The following TCF21 variants were observed in gnomAD, a reference collection of about 807,000 sequenced individuals.
TCF21 encodes the protein capsulin.
In TCF21, 3 loss-of-function variants were observed where a neutral mutation model predicts 13.5. The observed-to-expected ratio is 0.22, with a 90% CI of 0.10 to 0.57. The LOEUF (loss-of-function observed/expected upper bound fraction) is 0.57. Among genes scored for constraint, TCF21 ranks in the 20% least tolerant of loss-of-function variants. The pLI, the probability that TCF21 is intolerant of heterozygous loss-of-function variation, is 0.92. For missense variants in TCF21, 181 were observed against 238.4 expected (o/e 0.76, Z 1.59); for synonymous variants, 92 against 101.7 (o/e 0.90, Z 0.57).
At position 133,889,981 on chromosome 6, in the gene TCF21, C is replaced by G; in HGVS notation, c.450+134C>G. ...CTTACACATCTCGACCACCGCGGGC[C>G]TAGAGCCTCCAGGGACCGGAGGCGG... On this transcript the variant is annotated intron_variant, in intron 1 of 1. Coordinates refer to ENST00000367882, the MANE Select transcript of TCF21 (RefSeq NM_003206.4). This position sits in a 1 kb window ranked among gnomAD's most constrained non-coding sequence, Gnocchi z 5.1. The G allele has an allele frequency of 6.0e-6, 6 of 991,864 alleles. No individual in the cohort carries two copies. Among genetic ancestry groups the G allele is most frequent in the Non-Finnish European group, 9.3e-6 (6 of 647,886 alleles). 61.4% of individuals were successfully genotyped at this position (991,864 alleles called of 1,614,324 possible). A position where few individuals can be genotyped will look rare whatever the true frequency, so the allele number is the denominator to read the frequency against.
downstream of TCF21, chr6:133,894,276 C>T (rs940530565): frequency 6.6e-6 from 1 of 152,194 alleles, no homozygotes; most frequent in Non-Finnish European, 1.5e-5. Context: ...TTGCACCTCT[C>T]CCTAATGCTC....
rs56412384 is a variant in TCF21, at chr6:133,889,462, G to A, written c.65G>A (p.Gly22Glu). The change falls in exon 1 of 2, where the codon GGG becomes GAG. Residue 22 changes from glycine to glutamate, a missense_variant. This residue lies in a region of TCF21 where 91 missense variants were observed against 98.5 expected (regional missense o/e 0.92). Coordinates refer to ENST00000367882, the MANE Select transcript of TCF21 (RefSeq NM_003206.4). The surrounding 1 kb of genome is among the most constrained non-coding windows in gnomAD (Gnocchi z 5.1). ...LQEVEMLECD[G>E]LKMDSNKEFV... is the part of the protein sequence containing the mutation. ...GAGGTGGAGATGTTGGAATGTGACG[G>A]GTTGAAAATGGATTCGAACAAGGAA... 3 of 1,613,976 alleles carry A rather than the reference G, an allele frequency of 1.9e-6. No individual in the cohort carries two copies. Among genetic ancestry groups the A allele is most frequent in the East Asian group, 2.2e-5 (1 of 44,862 alleles).
rs1320400711 is a variant in TCF21 at position 133,889,888 on chromosome 6, C to G, written c.450+41C>G. The G allele has an allele frequency of 5.6e-6, 9 of 1,608,332 alleles. No homozygotes were observed. In the Admixed American group the frequency reaches 1.5e-4, roughly 27 times the overall value. ...GCTGCAGCTGCAGTCCAGGCGCGCC[C>G]GCACTCCCGCCTGCGGTGGGCGCGA... On this transcript the variant is annotated intron_variant, in intron 1 of 1. Transcript: ENST00000367882. The surrounding 1 kb of genome is among the most constrained non-coding windows in gnomAD (Gnocchi z 5.1).
At position 133,889,288 on chromosome 6, in the gene TCF21, T is replaced by G; in HGVS notation, c.-110T>G. Reference sequence around the variant, plus strand: ...CCAGCAGGAGGTGGCTGCGCCACACTCGGGAGGCCTCTTGGTTTCAGGGTC... The same window carrying G: ...CCAGCAGGAGGTGGCTGCGCCACACGCGGGAGGCCTCTTGGTTTCAGGGTC... On this transcript the variant is annotated 5_prime_UTR_variant, in exon 1 of 2. Transcript: ENST00000367882. The surrounding 1 kb of genome is among the most constrained non-coding windows in gnomAD (Gnocchi z 5.1). 2 of 1,419,944 alleles carry G rather than the reference T, an allele frequency of 1.4e-6. No homozygotes were observed. Among genetic ancestry groups the G allele is most frequent in the Non-Finnish European group, 9.8e-7 (1 of 1,018,492 alleles). 88.0% of individuals were successfully genotyped at this position (1,419,944 alleles called of 1,614,324 possible).
At chr6:133,895,527 T>C (rs1286809789), downstream of TCF21, 1 of 152,206 alleles carries the variant, frequency 6.6e-6, no homozygotes, top group Non-Finnish European at 1.5e-5. Flanking sequence ...AAATAAAAGA[T>C]TTGTTCCACC....
At chr6:133,893,038 C>T (rs536528433), downstream of TCF21, 1 of 152,248 alleles carries the variant, frequency 6.6e-6, no homozygotes. Flanking sequence ...GGGTTATGAC[C>T]GCAGTGTTTA....
chr6:133,891,885 G>C lies in TCF21; in HGVS notation c.*83G>C. On this transcript the variant is annotated 3_prime_UTR_variant, in exon 2 of 2. Coordinates refer to ENST00000367882, the MANE Select transcript of TCF21 (RefSeq NM_003206.4). ...GCGACCCCTGCCCTCAGTGCTCTCT[G>C]TCTCTGCTTCCCCCTCGCAATGCTC... The C allele has an allele frequency of 7.1e-7, 1 of 1,418,000 alleles. No individual in the cohort carries two copies. The highest frequency in any genetic ancestry group is 1.9e-5 in the Admixed American group (1 of 53,760). The allele number at this position is 1,418,000 out of a possible 1,614,324, so 87.8% of individuals were successfully genotyped here.
downstream of TCF21, chr6:133,894,234 C>T (rs560812020): frequency 2.6e-5 from 4 of 152,208 alleles, no homozygotes; most frequent in African/African-American, 9.6e-5. Flanking sequence ...TCTATTGACT[C>T]TTTCTCTCTC....
chr6:133,892,680 G>C (rs191047280), downstream of TCF21: 7 of 152,328 alleles, frequency 4.6e-5, no homozygotes, highest in Admixed American at 3.3e-4. Context: ...TAGAAGCTAT[G>C]AAAGATGTAA....
chr6:133,893,555 G>C (rs186151381), downstream of TCF21: 7 of 152,260 alleles, frequency 4.6e-5, no homozygotes, highest in African/African-American at 1.4e-4. Flanking sequence ...CAGAGGGATA[G>C]AGCCCATGCC....
Position 133,889,641 on chromosome 6 carries a change from A to C in TCF21, c.244A>C (p.Asn82His), listed in dbSNP as rs779654220. ...VSQEGKQVQR[N>H]AANARERARM... Reference sequence around the variant, plus strand: ...CCAGGAGGGGAAGCAGGTCCAGCGCAACGCCGCCAACGCGCGAGAGCGGGC... The same window carrying C: ...CCAGGAGGGGAAGCAGGTCCAGCGCCACGCCGCCAACGCGCGAGAGCGGGC... The change falls in exon 1 of 2, where the codon AAC (asparagine) becomes CAC (histidine). Residue 82 changes from asparagine (N) to histidine (H), a missense_variant. By Grantham distance (68) the Asn-to-His change is moderately conservative (BLOSUM62 1). Transcript: ENST00000367882. This position sits in a 1 kb window ranked among gnomAD's most constrained non-coding sequence, Gnocchi z 5.1. The C allele has an allele frequency of 4.9e-5, 79 of 1,613,066 alleles. 1 individual carries two copies. The East Asian group carries it at 1.7e-3, about 35-fold the overall frequency.
rs769420004 is a variant in TCF21, at chr6:133,891,837, C to CG, written c.*41dup. ...TGCGAGTCTGGGAAAGGCGCGCTCC[C>CG]GGGGGGAGCGGGCCCCGGGAAGGCG... On this transcript the variant is annotated 3_prime_UTR_variant, in exon 2 of 2. Coordinates refer to ENST00000367882, the MANE Select transcript of TCF21 (RefSeq NM_003206.4). 8.1e-6 allele frequency: 13 copies of CG among 1,609,314 alleles called. No individual in the cohort carries two copies. In the African/African-American group the frequency reaches 1.6e-4, roughly 20 times the overall value.
In TCF21 at chr6:133,889,232, G is replaced by T; in HGVS notation, c.-166G>T. On this transcript the variant is annotated 5_prime_UTR_variant, in exon 1 of 2. Coordinates refer to ENST00000367882, the MANE Select transcript of TCF21 (RefSeq NM_003206.4). The surrounding 1 kb of genome is among the most constrained non-coding windows in gnomAD (Gnocchi z 5.1). ...ACAACTCTGCGAAGGGGAAAGGGTT[G>T]TGAGACCCAACCAGACCCCAACTCC... 1 of 823,018 alleles carries T rather than the reference G, an allele frequency of 1.2e-6. No individual in the cohort carries two copies. The highest frequency in any genetic ancestry group is 2.0e-6 in the Non-Finnish European group (1 of 504,726). The allele number at this position is 823,018 out of a possible 1,614,324, so 51.0% of individuals were successfully genotyped here. A position where few individuals can be genotyped will look rare whatever the true frequency, so the allele number is the denominator to read the frequency against.
At chr6:133,895,031 C>CTG (rs1775280350), downstream of TCF21, 2 of 152,180 alleles carry the variant, frequency 1.3e-5, 1 homozygote, top group South Asian at 4.1e-4. Context: ...CTCTCTCTCT[C>CTG]TCTCTCTCAT....
Position 133,889,730 on chromosome 6 carries a change from C to G in TCF21, c.333C>G (p.Pro111=). The stretch of plus-strand genomic sequence containing the variant: ...AGACCACCCTGCCCTGGGTGCCCCC[C>G]GACACCAAGCTCTCCAAGCTGGACA... ...RLKTTLPWVP[P]DTKLSKLDTL... The change falls in exon 1 of 2, where the codon CCC becomes CCG. Residue 111 remains proline (P), a synonymous_variant. Coordinates refer to ENST00000367882, the MANE Select transcript of TCF21 (RefSeq NM_003206.4). This position sits in a 1 kb window ranked among gnomAD's most constrained non-coding sequence, Gnocchi z 5.1. 6.2e-7 allele frequency: 1 copy of G among 1,613,678 alleles called. No individual in the cohort carries two copies. The highest frequency in any genetic ancestry group is 1.1e-5 in the South Asian group (1 of 91,092).
chr6:133,890,333 T>C (rs1170222242), intron 1 of TCF21, among the ~76,000 whole-genome samples: 3 of 152,182 alleles, frequency 2.0e-5, no homozygotes, highest in Non-Finnish European at 2.9e-5. Flanking sequence ...TTTAGGACCA[T>C]TGGATAAGGA....
At chr6:133,890,008 C>T (rs991126303) in intron 1 of TCF21, among the ~76,000 whole-genome samples, 161 bp downstream of exon 1, 2 of 152,174 alleles carry the variant, frequency 1.3e-5, no homozygotes, top group Admixed American at 1.3e-4. Flanking sequence ...CGGAGGCGGG[C>T]GGTCTAGACA....
In TCF21 at chr6:133,891,909, T is replaced by G. The variant is rs1040641470; in HGVS notation, c.*107T>G. 8.6e-7 allele frequency: 1 copy of G among 1,166,886 alleles called. No homozygotes were observed. The highest frequency in any genetic ancestry group is 1.2e-6 in the Non-Finnish European group (1 of 813,292). The allele number at this position is 1,166,886 out of a possible 1,614,324, so 72.3% of individuals were successfully genotyped here. A position where few individuals can be genotyped will look rare whatever the true frequency, so the allele number is the denominator to read the frequency against. On this transcript the variant is annotated 3_prime_UTR_variant, in exon 2 of 2. Coordinates refer to ENST00000367882, the MANE Select transcript of TCF21 (RefSeq NM_003206.4). The stretch of plus-strand genomic sequence containing the variant: ...TGTCTCTGCTTCCCCCTCGCAATGC[T>G]CCTCTCTCTGTCCCACCCCGCGAGA...
At chr6:133,893,787 C>A (rs1775258241), downstream of TCF21, 1 of 152,198 alleles carries the variant, frequency 6.6e-6, no homozygotes, top group Non-Finnish European at 1.5e-5. Context: ...TCATGGCTAT[C>A]TATAGTTCCC....
Sources: gnomAD v4.1 joint callset for allele counts (sites outside exome capture counted in the v4.1 genomes callset) on GRCh38, gnomAD v4.1.1 for gene constraint, gnomAD v4.1.1 regional missense constraint, Gnocchi (gnomAD v3.1) non-coding constraint, MANE v1.5 for transcripts, NCBI Gene and HGNC (gene_info 2026-07-23, HGNC 2026-07-21) for gene names.